HMGN2: variants seen among roughly 807,000 people sequenced by gnomAD.
HMGN2 encodes high mobility group nucleosomal binding domain 2.
HMGN2 carries 2 observed loss-of-function variants against 16.9 expected under a neutral mutation model. The observed-to-expected ratio is 0.12, with a 90% confidence interval of 0.05 to 0.37. HMGN2 has a LOEUF of 0.37. Ranked by LOEUF, HMGN2 falls within the 10% of genes least tolerant of loss-of-function variation. The probability of loss-of-function intolerance (pLI) is 1.00; values close to 1 mark genes in which losing one functional copy is unlikely to be tolerated. For missense variants in HMGN2, 90 were observed against 106.0 expected, an observed-to-expected ratio of 0.85 and a Z score of 0.66; for synonymous variants, 31 against 34.9, an observed-to-expected ratio of 0.89 and a Z score of 0.39.
rs1407208253 is a variant in HMGN2, at chr1:26,475,382, T to G, written c.*234T>G. 1.3e-5 allele frequency: 5 copies of G among 398,462 alleles called. No individual in the cohort carries two copies. Among genetic ancestry groups the G allele is most frequent in the African/African-American group, 2.1e-5 (1 of 48,120 alleles). 24.7% of individuals were successfully genotyped at this position (398,462 alleles called of 1,614,324 possible). ...TGGAGAAAACACCTTTCCCTTCTAGTTTTGAGAGACTTCCTCTTGGCTCCC... is the reference window on the plus strand; with the variant it reads ...TGGAGAAAACACCTTTCCCTTCTAGGTTTGAGAGACTTCCTCTTGGCTCCC... On this transcript the variant is annotated 3_prime_UTR_variant, in exon 6 of 6. Coordinates refer to ENST00000361427, the MANE Select transcript of HMGN2 (RefSeq NM_005517.4).
At chr1:26,473,393 G>A in intron 1 of HMGN2, 90 bp from the exon 2 acceptor site, 2 of 944,640 alleles carry the variant, frequency 2.1e-6, no homozygotes. Flanking sequence ...GTGGACGACT[G>A]CTTTAATTTT....
At chr1:26,473,240 C>A (rs533764827) in intron 1 of HMGN2, 12 of 538,418 alleles carry the variant, frequency 2.2e-5, no homozygotes, top group African/African-American at 9.7e-5. Flanking sequence ...TCCTGCCTGT[C>A]GCGGTGGTGC....
In HMGN2 at chr1:26,475,361, G is replaced by A. The variant is rs2075601025; in HGVS notation, c.*213G>A. 1 of 429,750 alleles carries A rather than the reference G, an allele frequency of 2.3e-6. No homozygotes were observed. The highest frequency in any genetic ancestry group is 2.0e-5 in the African/African-American group (1 of 48,932). 26.6% of individuals were successfully genotyped at this position (429,750 alleles called of 1,614,324 possible). A position where few individuals can be genotyped will look rare whatever the true frequency, so the allele number is the denominator to read the frequency against. ...GTCTCCAAAGCTGGATTGATGTGGA[G>A]AAAACACCTTTCCCTTCTAGTTTTG... On this transcript the variant is annotated 3_prime_UTR_variant, in exon 6 of 6. Transcript: ENST00000361427.
rs962081797 is a variant in HMGN2 at position 26,475,851 on chromosome 1, G to A, written c.*703G>A. The A allele has an allele frequency of 6.7e-6, 2 of 296,564 alleles. No individual in the cohort carries two copies. Among genetic ancestry groups the A allele is most frequent in the Non-Finnish European group, 1.4e-5 (2 of 148,128 alleles). 18.4% of individuals were successfully genotyped at this position (296,564 alleles called of 1,614,324 possible). A position where few individuals can be genotyped will look rare whatever the true frequency, so the allele number is the denominator to read the frequency against. On this transcript the variant is annotated 3_prime_UTR_variant, in exon 6 of 6. Coordinates refer to ENST00000361427, the MANE Select transcript of HMGN2 (RefSeq NM_005517.4). ...GCTTTCTGATTTTTGGTAGTCCATT[G>A]AAGAAGGGAGTTTGAAAGTTGTTGT... is the stretch of plus-strand genomic sequence containing the variant.
chr1:26,475,240 GT>G lies in HMGN2; in HGVS notation c.*96del. 1 of 776,684 alleles carries G rather than the reference GT, an allele frequency of 1.3e-6. No homozygotes were observed. Among genetic ancestry groups the G allele is most frequent in the Non-Finnish European group, 1.9e-6 (1 of 513,618 alleles). 48.1% of individuals were successfully genotyped at this position (776,684 alleles called of 1,614,324 possible). On this transcript the variant is annotated 3_prime_UTR_variant, in exon 6 of 6. Transcript: ENST00000361427. ...AAGTTTTATAAAAATGCAGAATTTT[GT>G]TTTACTTTTTTTTTTTTTTTAAAAG...
chr1:26,473,422 G>T lies in HMGN2; in HGVS notation c.16-61G>T, dbSNP rs1267930526. 6 of 1,217,754 alleles carry T rather than the reference G, an allele frequency of 4.9e-6. No individual in the cohort carries two copies. The African/African-American group carries it at 7.5e-5, about 15-fold the overall frequency. The allele number at this position is 1,217,754 out of a possible 1,614,324, so 75.4% of individuals were successfully genotyped here. A position where few individuals can be genotyped will look rare whatever the true frequency, so the allele number is the denominator to read the frequency against. ...TAATTTTCATTTTTAGCACTCTAAA[G>T]TTTGGGAAGTAATTAAGAACCACCT... is the stretch of plus-strand genomic sequence containing the variant. On this transcript the variant is annotated intron_variant, in intron 1 of 5. Transcript: ENST00000361427.
chr1:26,473,963 A>C, intron 3 of HMGN2, 122 bp from the exon 4 acceptor site: 1 of 892,112 alleles, frequency 1.1e-6, no homozygotes, highest in Non-Finnish European at 1.7e-6. Context: ...AAAGCCAACC[A>C]CAAAAACTTT....
intron 1 of HMGN2, 121 bp from the exon 2 acceptor site, chr1:26,473,362 T>G: frequency 4.2e-6 from 3 of 711,750 alleles, no homozygotes; most frequent in African/African-American, 1.8e-5. Flanking sequence ...GGCTCACTCA[T>G]TTATGTCCTA....
Position 26,474,686 on chromosome 1 carries a change from C to T in HMGN2, c.237+19C>T, listed in dbSNP as rs768568163. On this transcript the variant is annotated intron_variant, in intron 5 of 5. Transcript: ENST00000361427. ...AGACCAGGTATAACTGCTGTTTCAC[C>T]CTTTGTTAGATTTGTTCATTCAGTT... The T allele has an allele frequency of 6.7e-6, 8 of 1,187,570 alleles. No individual in the cohort carries two copies. The highest frequency in any genetic ancestry group is 1.8e-5 in the Admixed American group (1 of 56,884). 73.6% of individuals were successfully genotyped at this position (1,187,570 alleles called of 1,614,324 possible).
intron 4 of HMGN2, among the ~76,000 whole-genome samples, 157 bp downstream of exon 4, chr1:26,474,292 A>G (rs1051494886): frequency 2.6e-5 from 4 of 152,206 alleles, no homozygotes; most frequent in African/African-American, 9.7e-5. Flanking sequence ...TTTCCTGATC[A>G]AGAATTCTGT....
rs765866445 is a variant in HMGN2, at chr1:26,475,127, A to G, written c.252A>G (p.Glu84=). The G allele has an allele frequency of 6.2e-7, 1 of 1,611,054 alleles. No homozygotes were observed. Among genetic ancestry groups the G allele is most frequent in the Non-Finnish European group, 8.5e-7 (1 of 1,177,514 alleles). Residue 84 remains glutamate (E), a synonymous_variant, in exon 6 of 6, where the codon GAA becomes GAG. Coordinates refer to ENST00000361427, the MANE Select transcript of HMGN2 (RefSeq NM_005517.4). The part of the protein sequence containing the change: ...DAKTDQAQKA[E]GAGDAK ...TTTTCTTTTAGGCACAGAAAGCTGA[A>G]GGTGCTGGAGATGCCAAGTGAAGTG...
intron 4 of HMGN2, 62 bp from the exon 5 acceptor site, chr1:26,474,510 G>C: frequency 1.2e-6 from 1 of 801,616 alleles, no homozygotes; most frequent in South Asian, 1.4e-5. Context: ...GCAGAACTTT[G>C]CAGACCATAC....
At position 26,475,285 on chromosome 1, in the gene HMGN2, G is replaced by A. The variant is rs994055172; in HGVS notation, c.*137G>A. On this transcript the variant is annotated 3_prime_UTR_variant, in exon 6 of 6. Coordinates refer to ENST00000361427, the MANE Select transcript of HMGN2 (RefSeq NM_005517.4). Reference sequence around the variant, plus strand: ...TTAAAAGCTATGTTGTTAGCACACAGAACACTTCATTGTTGTTTTTGGGGG... The same window carrying A: ...TTAAAAGCTATGTTGTTAGCACACAAAACACTTCATTGTTGTTTTTGGGGG... 2 of 572,678 alleles carry A rather than the reference G, an allele frequency of 3.5e-6. No individual in the cohort carries two copies. Among genetic ancestry groups the A allele is most frequent in the Non-Finnish European group, 6.1e-6 (2 of 325,566 alleles). 35.5% of individuals were successfully genotyped at this position (572,678 alleles called of 1,614,324 possible). A position where few individuals can be genotyped will look rare whatever the true frequency, so the allele number is the denominator to read the frequency against.
At position 26,472,567 on chromosome 1, in the gene HMGN2, AT is replaced by A; in HGVS notation, c.-45del. On this transcript the variant is annotated 5_prime_UTR_variant, in exon 1 of 6. Transcript: ENST00000361427. ...CCGACCAAAGCCCGCGCGCCGCTGC[AT>A]CCCGCGTCCAGCACCTACGTCCCGC... The A allele has an allele frequency of 6.5e-7, 1 of 1,535,136 alleles. No individual in the cohort carries two copies. Among genetic ancestry groups the A allele is most frequent in the Non-Finnish European group, 8.7e-7 (1 of 1,147,788 alleles).
chr1:26,475,251 T>C lies in HMGN2; in HGVS notation c.*103T>C. The stretch of plus-strand genomic sequence containing the variant: ...AAATGCAGAATTTTGTTTTACTTTT[T>C]TTTTTTTTTTAAAAGCTATGTTGTT... On this transcript the variant is annotated 3_prime_UTR_variant, in exon 6 of 6. Coordinates refer to ENST00000361427, the MANE Select transcript of HMGN2 (RefSeq NM_005517.4). 9 of 821,368 alleles carry C rather than the reference T, an allele frequency of 1.1e-5. No individual in the cohort carries two copies. Among genetic ancestry groups the C allele is most frequent in the Non-Finnish European group, 1.3e-5 (7 of 519,080 alleles). The allele number at this position is 821,368 out of a possible 1,614,324, so 50.9% of individuals were successfully genotyped here. A position where few individuals can be genotyped will look rare whatever the true frequency, so the allele number is the denominator to read the frequency against.
intron 1 of HMGN2, chr1:26,473,238 G>A (rs2075587165): frequency 5.6e-6 from 3 of 537,898 alleles, no homozygotes; most frequent in South Asian, 4.6e-5. Context: ...GCTCCTGCCT[G>A]TCGCGGTGGT....
Position 26,476,149 on chromosome 1 carries a change from A to G in HMGN2, c.*1001A>G, listed in dbSNP as rs2075607739. Among the ~76,000 whole-genome samples the G allele has an allele frequency of 2.0e-5, 3 of 152,346 alleles. No individual in the cohort carries two copies. In the South Asian group the frequency reaches 6.2e-4, roughly 32 times the overall value. On this transcript the variant is annotated 3_prime_UTR_variant, in exon 6 of 6. Coordinates refer to ENST00000361427, the MANE Select transcript of HMGN2 (RefSeq NM_005517.4). ...TGCAGTTAGGAAGGATTCCAGGAGT[A>G]GACTTAGCTGATGGTGAAAGGCTGG...
chr1:26,475,213 T>C lies in HMGN2; in HGVS notation c.*65T>C. On this transcript the variant is annotated 3_prime_UTR_variant, in exon 6 of 6. Coordinates refer to ENST00000361427, the MANE Select transcript of HMGN2 (RefSeq NM_005517.4). Reference sequence around the variant, plus strand: ...GTACAGTTTGAAATACTATTTTTTATCAAGTTTTATAAAAATGCAGAATTT... The same window carrying C: ...GTACAGTTTGAAATACTATTTTTTACCAAGTTTTATAAAAATGCAGAATTT... The C allele has an allele frequency of 9.3e-6, 10 of 1,079,350 alleles. No individual in the cohort carries two copies. The highest frequency in any genetic ancestry group is 1.4e-5 in the Non-Finnish European group (10 of 731,548). 66.9% of individuals were successfully genotyped at this position (1,079,350 alleles called of 1,614,324 possible).
chr1:26,472,729 G>C, intron 1 of HMGN2, 102 bp downstream of exon 1: 1 of 1,072,314 alleles, frequency 9.3e-7, no homozygotes, highest in Non-Finnish European at 1.3e-6. Context: ...GCAGGAGCCA[G>C]CGCAGCCTCC....
Sources: gnomAD v4.1 joint callset for allele counts (sites outside exome capture counted in the v4.1 genomes callset) on GRCh38, gnomAD v4.1.1 for gene constraint, MANE v1.5 for transcripts, NCBI Gene and HGNC (gene_info 2026-07-23, HGNC 2026-07-21) for gene names.